The following DGKG variants were observed in gnomAD, a reference collection of about 807,000 sequenced individuals.
The protein encoded by DGKG is DAG kinase gamma.
DGKG carries 78 observed loss-of-function variants against 105.3 expected under a neutral mutation model. The observed-to-expected ratio is 0.74, with a 90% CI of 0.62 to 0.89. DGKG has a LOEUF of 0.89. DGKG is among the 40% of genes least tolerant of loss of function. The pLI is 0.00. For missense variants in DGKG, 958 were observed against 1,020.1 expected (o/e 0.94, Z 0.83); for synonymous variants, 346 against 367.1 (o/e 0.94, Z 0.66).
At chr3:186,216,048 G>A (rs1291403570) in intron 20 of DGKG, among the ~76,000 whole-genome samples, 1 of 151,602 alleles carries the variant, frequency 6.6e-6, no homozygotes, top group Non-Finnish European at 1.5e-5. Flanking sequence ...TCCCAGGCTG[G>A]AGTACAGTGG....
intron 21 of DGKG, among the ~76,000 whole-genome samples, chr3:186,206,037 T>C (rs1718715843): frequency 6.6e-6 from 1 of 152,200 alleles, no homozygotes. Context: ...TTAGTTCATA[T>C]TAGTGGAGCT....
At chr3:186,207,482 G>A in intron 21 of DGKG, 2 of 985,354 alleles carry the variant, frequency 2.0e-6, no homozygotes, top group Non-Finnish European at 2.4e-6. Context: ...TGCCACTTAG[G>A]GCTGCTTTGC....
chr3:186,236,984 A>G (rs1369324085), intron 20 of DGKG, among the ~76,000 whole-genome samples: 1 of 152,176 alleles, frequency 6.6e-6, no homozygotes, highest in African/African-American at 2.4e-5. Context: ...GGTGGCTTTT[A>G]TGTATAGATT....
chr3:186,259,923 AAAATCG>A (rs1280328748), intron 16 of DGKG, among the ~76,000 whole-genome samples: 1 of 152,228 alleles, frequency 6.6e-6, no homozygotes, highest in African/African-American at 2.4e-5. Flanking sequence ...AAACAACCTC[AAAATCG>A]AATGATTTAG....
rs34491607 is a variant in DGKG, at chr3:186,149,824, C to A, written c.*266G>T. ...CCTGTGGGAATGTGGAGGTTGCTGCCTAAGCCAGCCACAACCTCATGGGCC... is the reference window on the plus strand; with the variant it reads ...CCTGTGGGAATGTGGAGGTTGCTGCATAAGCCAGCCACAACCTCATGGGCC... On this transcript the variant is annotated 3_prime_UTR_variant, in exon 25 of 25. Coordinates refer to ENST00000265022, the MANE Select transcript of DGKG (RefSeq NM_001346.3). 1 of 1,175,140 alleles carries A rather than the reference C, an allele frequency of 8.5e-7. No homozygotes were observed. The highest frequency in any genetic ancestry group is 1.6e-5 in the African/African-American group (1 of 62,650). The allele number at this position is 1,175,140 out of a possible 1,614,324, so 72.8% of individuals were successfully genotyped here.
intron 5 of DGKG, among the ~76,000 whole-genome samples, chr3:186,291,039 C>G (rs1723289783): frequency 6.6e-6 from 1 of 152,158 alleles, no homozygotes; most frequent in African/African-American, 2.4e-5. Context: ...CCTTTCTGGT[C>G]CTGTCCAGTG....
rs183054552 is a variant in DGKG, at chr3:186,230,252, C to T, written c.1826+12252G>A. Among the ~76,000 whole-genome samples, 507 of 152,178 alleles carry T rather than the reference C, an allele frequency of 3.3e-3. 3 individuals carry two copies. Among genetic ancestry groups the T allele is most frequent in the African/African-American group, 0.011 (448 of 41,512 alleles). On this transcript the variant is annotated intron_variant, in intron 20 of 24. Transcript: ENST00000265022. ...CAGCCTGGGCAACAGAGCGAGACTC[C>T]GTCTCAAAAACAAACAAACAAACAA...
chr3:186,227,761 T>C (rs544535808), intron 20 of DGKG, among the ~76,000 whole-genome samples: 3 of 152,322 alleles, frequency 2.0e-5, no homozygotes, highest in Non-Finnish European at 4.4e-5. Context: ...CCTTTTCACC[T>C]TGTTTTTCAA....
chr3:186,208,324 G>A (rs1718851569), intron 21 of DGKG, among the ~76,000 whole-genome samples: 1 of 151,884 alleles, frequency 6.6e-6, no homozygotes, highest in Non-Finnish European at 1.5e-5. Flanking sequence ...TTACAAGCGT[G>A]AGCCACCGCG....
rs202164762 is a variant in DGKG at position 186,298,228 on chromosome 3, G to A, written c.146C>T (p.Pro49Leu). Residue 49 changes from proline (P) to leucine (L), a missense_variant and splice_region_variant, in exon 4 of 25, where the codon CCG (proline) becomes CTG (leucine). By Grantham distance (98) the Pro-to-Leu change is moderately conservative (BLOSUM62 -3). Transcript: ENST00000265022. ...GSLKQYDPHE[P>L]ISYDVFKLFM... ...CAGCTTGAAGACATCATAGCTAATC[G>A]GCTGAGAAGGGGCAAAAGGGCAAAG... The A allele has an allele frequency of 1.1e-5, 18 of 1,588,890 alleles. No homozygotes were observed. Among genetic ancestry groups the A allele is most frequent in the Middle Eastern group, 1.7e-4 (1 of 5,964 alleles).
chr3:186,249,826 C>T (rs1246991240), intron 19 of DGKG, among the ~76,000 whole-genome samples: 5 of 146,972 alleles, frequency 3.4e-5, no homozygotes, highest in Admixed American at 6.7e-5. Context: ...GAGTGAGACT[C>T]GTCTCAAAAA....
chr3:186,281,368 C>A (rs1028105371), intron 7 of DGKG: 6 of 152,332 alleles, frequency 3.9e-5, no homozygotes, highest in African/African-American at 9.7e-5. Context: ...TGAGGCCAGG[C>A]TCCATCTAAA....
At chr3:186,353,403 C>T (rs1400079985) in intron 1 of DGKG, among the ~76,000 whole-genome samples, 1 of 151,762 alleles carries the variant, frequency 6.6e-6, no homozygotes, top group Non-Finnish European at 1.5e-5. Context: ...TCTGTAATCC[C>T]AGCTACTCGA....
Position 186,188,223 on chromosome 3 carries a change from C to T in DGKG, c.2074G>A (p.Glu692Lys). ...ESRKGVTDPK[E>K]LKFCVQDLSD... ...TTACCTTGAACGCAGAATTTCAGTT[C>T]TTTGGGGTCAGTGACACCCTTCCTG... Residue 692 changes from glutamate to lysine, a missense_variant, in exon 22 of 25, where the codon GAA becomes AAA. Physicochemically the swap from Glu to Lys is moderately conservative, Grantham distance 56 (BLOSUM62 1). Transcript: ENST00000265022. 6.2e-7 allele frequency: 1 copy of T among 1,614,172 alleles called. No homozygotes were observed.
At chr3:186,215,476 G>A (rs980105564) in intron 20 of DGKG, among the ~76,000 whole-genome samples, 2 of 152,036 alleles carry the variant, frequency 1.3e-5, no homozygotes, top group Non-Finnish European at 2.9e-5. Context: ...GCTGGGGAGG[G>A]GGATGGGGTG....
chr3:186,261,568 T>G, intron 15 of DGKG, 131 bp downstream of exon 15: 2 of 712,654 alleles, frequency 2.8e-6, no homozygotes, highest in Non-Finnish European at 5.1e-6. Flanking sequence ...GGCCAGGTCA[T>G]AAAGTGGCAG....
chr3:186,183,752 T>C (rs1397483449), intron 22 of DGKG, among the ~76,000 whole-genome samples: 1 of 152,046 alleles, frequency 6.6e-6, no homozygotes, highest in Non-Finnish European at 1.5e-5. Context: ...TTGCCCAGGC[T>C]GGAGTGCAGT....
chr3:186,257,193 G>T (rs73180340), intron 17 of DGKG, among the ~76,000 whole-genome samples: 14,624 of 151,080 alleles, frequency 0.097, 765 homozygotes, highest in Middle Eastern at 0.16. Context: ...ATTACACTTT[G>T]CAGTGTTTGT....
At chr3:186,237,588 T>C (rs965379777) in intron 20 of DGKG, among the ~76,000 whole-genome samples, 1 of 152,184 alleles carries the variant, frequency 6.6e-6, no homozygotes, top group Admixed American at 6.5e-5. Flanking sequence ...ATTTCTAAAA[T>C]GGGGACAGTA....
Sources: allele counts gnomAD v4.1 joint callset (sites outside exome capture counted in the v4.1 genomes callset), GRCh38; gene constraint gnomAD v4.1.1; transcripts MANE v1.5; gene names NCBI Gene and HGNC (gene_info 2026-07-23, HGNC 2026-07-21).